Variants in MRAP2 observed in about 807,000 individuals in gnomAD.
MRAP2 encodes the protein melanocortin 2 receptor accessory protein 2, also known as melanocortin-2 receptor accessory protein 2.
In MRAP2, 20 loss-of-function variants were observed where a neutral mutation model predicts 17.4. The ratio of observed to expected loss-of-function variants is 1.15; its 90% CI spans 0.81 to 1.67. The LOEUF is 1.67. MRAP2 is among the 40% of genes most tolerant of loss of function. The pLI is 0.00. For missense variants in MRAP2, 238 were observed against 240.0 expected, an observed-to-expected ratio of 0.99 and a Z score of 0.05; for synonymous variants, 96 against 88.4, an observed-to-expected ratio of 1.09 and a Z score of -0.48.
the MRAP2 span, among the ~76,000 whole-genome samples, chr6:84,145,582 TTTGTTATTTACATGTAATC>T: frequency 1.3e-5 from 2 of 152,060 alleles, no homozygotes; most frequent in Non-Finnish European, 2.9e-5. Context: ...TCTCTGGGGT[TTTGTTATTTACATGTAATC>T]TGGTCTAGAT....
At chr6:84,098,143 C>G in the MRAP2 span, among the ~76,000 whole-genome samples, 3 of 151,966 alleles carry the variant, frequency 2.0e-5, no homozygotes, top group Non-Finnish European at 4.4e-5. Flanking sequence ...AACTACAGAT[C>G]TGCTTTGCAT....
chr6:84,136,895 A>T, the MRAP2 span, among the ~76,000 whole-genome samples: 1 of 152,202 alleles, frequency 6.6e-6, no homozygotes, highest in East Asian at 1.9e-4. Context: ...AAGAATGGCC[A>T]TCGGCCACAC....
At chr6:84,055,540 T>C (rs2099491495) in intron 2 of MRAP2, 95 bp downstream of exon 2, 1 of 1,275,116 alleles carries the variant, frequency 7.8e-7, no homozygotes, top group Non-Finnish European at 1.1e-6. Context: ...TTCTTTCTTC[T>C]TTACAGAACT....
chr6:84,103,121 CAT>C, the MRAP2 span, among the ~76,000 whole-genome samples: 2 of 152,090 alleles, frequency 1.3e-5, no homozygotes, highest in African/African-American at 2.4e-5. Flanking sequence ...GATGATGAAA[CAT>C]AGTGAGTAGG....
chr6:84,133,662 G>C, the MRAP2 span, among the ~76,000 whole-genome samples: 1 of 152,220 alleles, frequency 6.6e-6, no homozygotes, highest in Non-Finnish European at 1.5e-5. Flanking sequence ...GACCCTCTGA[G>C]CCATGCGCGG....
At chr6:84,064,713 T>C (rs1174733197) in intron 3 of MRAP2, among the ~76,000 whole-genome samples, 1 of 152,168 alleles carries the variant, frequency 6.6e-6, no homozygotes, top group Non-Finnish European at 1.5e-5. Flanking sequence ...GGTCTCGATC[T>C]GCTGACTTCG....
intron 1 of MRAP2, among the ~76,000 whole-genome samples, chr6:84,039,349 A>G (rs2099486927): frequency 6.6e-6 from 1 of 152,200 alleles, no homozygotes; most frequent in South Asian, 2.1e-4. Context: ...TATTTTGGAG[A>G]CCAACTTTCA....
chr6:84,120,793 A>G, the MRAP2 span, among the ~76,000 whole-genome samples: 696 of 152,282 alleles, frequency 4.6e-3, 8 homozygotes, highest in African/African-American at 0.016. Context: ...GCTTACAGAT[A>G]AAAATACACA....
At chr6:84,045,132 A>G in intron 1 of MRAP2, 1 of 747,760 alleles carries the variant, frequency 1.3e-6, no homozygotes, top group Non-Finnish European at 1.6e-6. Flanking sequence ...TAGGGACTTG[A>G]GAATCTCTGG....
the MRAP2 span, among the ~76,000 whole-genome samples, chr6:84,114,828 G>C: frequency 1.3e-5 from 2 of 152,156 alleles, no homozygotes; most frequent in Non-Finnish European, 2.9e-5. Context: ...CTAACAGTCA[G>C]GCCCACTGCT....
the MRAP2 span, chr6:84,124,899 T>G: frequency 1.6e-6 from 1 of 629,668 alleles, no homozygotes; most frequent in Non-Finnish European, 2.8e-6. Context: ...TACACCATTA[T>G]ATGTTTTTTT....
chr6:84,073,790 T>C (rs566961860), intron 3 of MRAP2, among the ~76,000 whole-genome samples: 12 of 152,244 alleles, frequency 7.9e-5, no homozygotes, highest in African/African-American at 2.9e-4. Context: ...TAAACCAAGC[T>C]TGTCCAACCT....
intron 3 of MRAP2, among the ~76,000 whole-genome samples, chr6:84,082,179 G>A (rs763108264): frequency 2.0e-5 from 3 of 152,202 alleles, no homozygotes; most frequent in Non-Finnish European, 4.4e-5. Flanking sequence ...ATGGTAGAGA[G>A]TTGGATTGAA....
At chr6:84,106,071 G>T in the MRAP2 span, among the ~76,000 whole-genome samples, 1 of 152,062 alleles carries the variant, frequency 6.6e-6, no homozygotes, top group African/African-American at 2.4e-5. Context: ...AGCCCTGCAA[G>T]GTACTGTCAC....
intron 2 of MRAP2, chr6:84,062,218 T>A: frequency 1.9e-6 from 1 of 528,230 alleles, no homozygotes; most frequent in Non-Finnish European, 2.4e-6. Flanking sequence ...ACTGAAAACC[T>A]AGCCAATGCT....
intron 2 of MRAP2, among the ~76,000 whole-genome samples, chr6:84,059,570 G>A (rs1400235037): frequency 6.6e-6 from 1 of 152,088 alleles, no homozygotes; most frequent in Non-Finnish European, 1.5e-5. Context: ...CCCTAGATTG[G>A]GAAGGAAAAA....
chr6:84,102,745 G>C, the MRAP2 span, among the ~76,000 whole-genome samples: 1 of 152,118 alleles, frequency 6.6e-6, no homozygotes, highest in Non-Finnish European at 1.5e-5. Flanking sequence ...GGATAGGAAG[G>C]CTGGGATCAG....
chr6:84,055,612 C>G (rs2099491520), intron 2 of MRAP2, among the ~76,000 whole-genome samples, 167 bp downstream of exon 2: 1 of 152,080 alleles, frequency 6.6e-6, no homozygotes, highest in Non-Finnish European at 1.5e-5. Flanking sequence ...GCTGATTGCT[C>G]AGGAATGGTA....
rs911066534 is a variant in MRAP2, at chr6:84,033,820, C to G, written c.-71C>G. The G allele has an allele frequency of 2.0e-6, 2 of 981,518 alleles. No homozygotes were observed. The highest frequency in any genetic ancestry group is 3.8e-5 in the African/African-American group (2 of 52,458). 60.8% of individuals were successfully genotyped at this position (981,518 alleles called of 1,614,324 possible). A position where few individuals can be genotyped will look rare whatever the true frequency, so the allele number is the denominator to read the frequency against. Reference sequence around the variant, plus strand: ...GAGGCGGCGGCGGCGGCGGCGCTCGCGCACCTCGGAGGAGCCAGGAGCCGG... The same window carrying G: ...GAGGCGGCGGCGGCGGCGGCGCTCGGGCACCTCGGAGGAGCCAGGAGCCGG... On this transcript the variant is annotated 5_prime_UTR_variant, in exon 1 of 4. Coordinates refer to ENST00000257776, the MANE Select transcript of MRAP2 (RefSeq NM_138409.4).
Sources: gnomAD v4.1 joint callset for allele counts (sites outside exome capture counted in the v4.1 genomes callset) on GRCh38, gnomAD v4.1.1 for gene constraint, MANE v1.5 for transcripts, NCBI Gene and HGNC (gene_info 2026-07-23, HGNC 2026-07-21) for gene names.